DOCK4: variants seen among roughly 807,000 people sequenced by gnomAD.
The protein encoded by DOCK4 is dedicator of cytokinesis 4, also known as dedicator of cytokinesis protein 4.
DOCK4 carries 97 observed loss-of-function variants against 268.1 expected under a neutral mutation model. The observed-to-expected ratio is 0.36, with a 90% CI of 0.31 to 0.43. The LOEUF (loss-of-function observed/expected upper bound fraction) is 0.43. Among genes scored for constraint, DOCK4 ranks in the 20% least tolerant of loss-of-function variants. The pLI is 1.00. For synonymous variants in DOCK4, 954 were observed against 887.2 expected, an observed-to-expected ratio of 1.08 and a Z score of -1.34; for missense variants, 2,145 against 2,455.7, an observed-to-expected ratio of 0.87 and a Z score of 2.67.
At chr7:112,029,316 T>A (rs1803074303) in intron 1 of DOCK4, among the ~76,000 whole-genome samples, 3 of 152,240 alleles carry the variant, frequency 2.0e-5, no homozygotes, top group Admixed American at 2.0e-4. Flanking sequence ...CTGAGTCTCC[T>A]GGCAACCCTA....
intron 12 of DOCK4, 103 bp downstream of exon 12, chr7:111,935,437 G>C (rs1374008061): frequency 1.0e-6 from 1 of 981,404 alleles, no homozygotes; most frequent in Non-Finnish European, 1.6e-6. Context: ...GGAGTGAATA[G>C]ACAGAAAAAC....
intron 52 of DOCK4, among the ~76,000 whole-genome samples, chr7:111,730,394 T>C (rs1795001000): frequency 6.6e-6 from 1 of 152,230 alleles, no homozygotes; most frequent in Non-Finnish European, 1.5e-5. Context: ...TAGTGTTCTA[T>C]GGTATACACT....
At position 112,205,956 on chromosome 7, in the gene DOCK4, G is replaced by A. The variant is rs1021012358; in HGVS notation, c.37+146C>T. 7 of 881,444 alleles carry A rather than the reference G, an allele frequency of 7.9e-6. No homozygotes were observed. The African/African-American group carries it at 1.2e-4, about 15-fold the overall frequency. 54.6% of individuals were successfully genotyped at this position (881,444 alleles called of 1,614,324 possible). ...GGTGCGCAGCCCTCTGCCTGGAGCT[G>A]GCTCGGCAAAGCCCCGTACCAGCTG... On this transcript the variant is annotated intron_variant, in intron 1 of 52. Coordinates refer to ENST00000428084, the MANE Select transcript of DOCK4 (RefSeq NM_001363540.2).
intron 1 of DOCK4, among the ~76,000 whole-genome samples, chr7:112,022,173 T>C (rs1054431218): frequency 2.4e-4 from 37 of 152,214 alleles, no homozygotes; most frequent in African/African-American, 8.4e-4. Context: ...GGTATGTGTT[T>C]AGCGCGGTAT....
chr7:111,832,320 C>T (rs906305454), intron 26 of DOCK4, among the ~76,000 whole-genome samples: 2 of 152,174 alleles, frequency 1.3e-5, no homozygotes, highest in African/African-American at 4.8e-5. Flanking sequence ...TCCATAGCAT[C>T]GCGTGCTTAC....
chr7:112,122,109 T>C (rs1457327544), intron 1 of DOCK4, among the ~76,000 whole-genome samples: 2 of 152,246 alleles, frequency 1.3e-5, no homozygotes, highest in Non-Finnish European at 2.9e-5. Flanking sequence ...CCATTGCTAA[T>C]AGATCTTACC....
chr7:111,802,503 T>G (rs118045511), intron 30 of DOCK4, among the ~76,000 whole-genome samples: 4 of 152,120 alleles, frequency 2.6e-5, no homozygotes, highest in African/African-American at 9.7e-5. Flanking sequence ...AGAGAGGGAA[T>G]ACAAAATGAA....
In DOCK4 at chr7:111,726,747, C is replaced by T. The variant is rs117351669; in HGVS notation, c.*1527G>A. 2.8e-3 allele frequency: 433 copies of T among 152,706 alleles called. 2 individuals are homozygous for T. Among genetic ancestry groups the T allele is most frequent in the Non-Finnish European group, 4.0e-3 (272 of 68,008 alleles). The allele number at this position is 152,706 out of a possible 1,614,324, so 9.5% of individuals were successfully genotyped here. On this transcript the variant is annotated 3_prime_UTR_variant, in exon 53 of 53. Coordinates refer to ENST00000428084, the MANE Select transcript of DOCK4 (RefSeq NM_001363540.2). ...CATAATTATAACAATCATACTGCATCAACAACTGTTTGCGTTTATTTTTAC... is the reference window on the plus strand; with the variant it reads ...CATAATTATAACAATCATACTGCATTAACAACTGTTTGCGTTTATTTTTAC...
chr7:112,115,386 G>T (rs1187237792), intron 1 of DOCK4, among the ~76,000 whole-genome samples: 4 of 152,202 alleles, frequency 2.6e-5, no homozygotes, highest in Non-Finnish European at 5.9e-5. Flanking sequence ...ACACCATTTA[G>T]ATTCTTCCAG....
chr7:112,145,036 C>T (rs768342228), intron 1 of DOCK4, among the ~76,000 whole-genome samples: 2 of 152,010 alleles, frequency 1.3e-5, no homozygotes, highest in Non-Finnish European at 2.9e-5. Context: ...TAAGAGCACT[C>T]CCTATATGAT....
intron 10 of DOCK4, among the ~76,000 whole-genome samples, chr7:111,944,364 CT>C (rs10708495): frequency 0.11 from 16,431 of 151,266 alleles, 1,174 homozygotes; most frequent in East Asian, 0.33. Context: ...ATTTCACAGG[CT>C]TTTTTTTTGT....
intron 11 of DOCK4, among the ~76,000 whole-genome samples, chr7:111,939,870 C>T (rs989587835): frequency 6.6e-5 from 10 of 152,198 alleles, no homozygotes; most frequent in African/African-American, 1.2e-4. Context: ...ACATAGTAGA[C>T]GGTCTACCTA....
chr7:111,958,546 A>G (rs1233240966), intron 8 of DOCK4, among the ~76,000 whole-genome samples: 4 of 152,208 alleles, frequency 2.6e-5, no homozygotes, highest in African/African-American at 7.2e-5. Flanking sequence ...TAGGTGTAAG[A>G]GGACCTTCTG....
intron 1 of DOCK4, among the ~76,000 whole-genome samples, chr7:112,199,106 C>G (rs539497452): frequency 1.3e-5 from 2 of 152,306 alleles, no homozygotes; most frequent in African/African-American, 4.8e-5. Context: ...GCTAAGAGAA[C>G]AGTTTCTATG....
At chr7:112,022,793 T>A (rs922820668) in intron 1 of DOCK4, among the ~76,000 whole-genome samples, 1 of 152,200 alleles carries the variant, frequency 6.6e-6, no homozygotes, top group African/African-American at 2.4e-5. Flanking sequence ...GTTTCCCTGA[T>A]GAAATGCTTA....
At chr7:111,960,523 C>CTT (rs753880464) in intron 8 of DOCK4, among the ~76,000 whole-genome samples, 307 of 78,454 alleles carry the variant, frequency 3.9e-3, no homozygotes, top group African/African-American at 4.9e-3. Flanking sequence ...ACCTCATGTG[C>CTT]TTTTTTTTTT....
At chr7:112,074,476 G>C (rs2135685893) in intron 1 of DOCK4, among the ~76,000 whole-genome samples, 1 of 152,186 alleles carries the variant, frequency 6.6e-6, no homozygotes, top group Non-Finnish European at 1.5e-5. Context: ...TGTGATGCTG[G>C]GCTAACAATT....
chr7:111,851,958 CTTTT>C (rs35969396), intron 23 of DOCK4, among the ~76,000 whole-genome samples: 3 of 124,956 alleles, frequency 2.4e-5, no homozygotes, highest in African/African-American at 6.8e-5. Context: ...TCTCTCCTTC[CTTTT>C]TTTTTTTTTT....
At chr7:111,862,218 G>C (rs1805595071) in intron 23 of DOCK4, among the ~76,000 whole-genome samples, 1 of 151,924 alleles carries the variant, frequency 6.6e-6, no homozygotes, top group South Asian at 2.1e-4. Flanking sequence ...ACAATCGCTT[G>C]AACCTGGGAG....
Sources: allele counts gnomAD v4.1 joint callset (sites outside exome capture counted in the v4.1 genomes callset), GRCh38; gene constraint gnomAD v4.1.1; transcripts MANE v1.5; gene names NCBI Gene and HGNC (gene_info 2026-07-23, HGNC 2026-07-21).